SH3BP5L: variants seen among roughly 807,000 people sequenced by gnomAD.
SH3BP5L encodes the protein SH3 binding domain protein 5 like.
SH3BP5L carries 16 observed loss-of-function variants against 40.9 expected under a neutral mutation model. That is an observed-to-expected ratio of 0.39 (90% CI 0.27 to 0.59). The LOEUF (loss-of-function observed/expected upper bound fraction) is 0.59. SH3BP5L is among the 20% of genes least tolerant of loss of function. The pLI, the probability that SH3BP5L is intolerant of heterozygous loss-of-function variation, is 0.53. For missense variants in SH3BP5L, 471 were observed against 544.6 expected (o/e 0.86, Z 1.35); for synonymous variants, 229 against 226.7 (o/e 1.01, Z -0.09).
At chr1:248,822,837 T>A (rs1047899648) in intron 2 of SH3BP5L, among the ~76,000 whole-genome samples, 33 of 152,120 alleles carry the variant, frequency 2.2e-4, no homozygotes, top group African/African-American at 7.7e-4. Flanking sequence ...TAGCTTTTTT[T>A]ATTTTTAGTA....
chr1:248,813,027 A>G lies in SH3BP5L; in HGVS notation c.673T>C (p.Tyr225His). ...CTGAACTGGGCCTTGAGCTCAAAGTAGGGGCGGCTCTTGCCGATGGCCCTC... is the reference window on the plus strand; with the variant it reads ...CTGAACTGGGCCTTGAGCTCAAAGTGGGGGCGGCTCTTGCCGATGGCCCTC... ...LRRAIGKSRP[Y>H]FELKAQFSQI... Residue 225 changes from tyrosine (Y) to histidine (H), a missense_variant, in exon 6 of 7, where the codon TAC becomes CAC. By Grantham distance (83) the Tyr-to-His change is moderately conservative (BLOSUM62 2). This residue lies in a region of SH3BP5L where 275 missense variants were observed against 370.1 expected (regional missense o/e 0.74). Transcript: ENST00000366472. The G allele has an allele frequency of 6.2e-7, 1 of 1,605,504 alleles. No individual in the cohort carries two copies. Among genetic ancestry groups the G allele is most frequent in the Non-Finnish European group, 8.5e-7 (1 of 1,174,418 alleles).
chr1:248,813,253 G>C (rs905146046), intron 5 of SH3BP5L, 91 bp from the exon 6 acceptor site: 2 of 1,349,360 alleles, frequency 1.5e-6, no homozygotes, highest in South Asian at 1.6e-5. Context: ...GCCCTGGGGG[G>C]AACCCAAACA....
At chr1:248,820,810 G>T (rs12744158) in intron 2 of SH3BP5L, 8,555 of 152,300 alleles carry the variant, frequency 0.056, 327 homozygotes, top group Non-Finnish European at 0.084. Flanking sequence ...GTCCAAGACG[G>T]GATCCCCACT....
chr1:248,816,412 G>A, intron 4 of SH3BP5L, 122 bp downstream of exon 4: 3 of 1,323,848 alleles, frequency 2.3e-6, no homozygotes, highest in South Asian at 1.3e-5. Context: ...CGACCAGCCA[G>A]GTCTAGCCCA....
chr1:248,816,695 GT>G (rs1558228454), intron 3 of SH3BP5L, 33 bp from the exon 4 acceptor site: 6 of 1,613,774 alleles, frequency 3.7e-6, no homozygotes, highest in Non-Finnish European at 5.1e-6. Context: ...AAAGGCACAT[GT>G]TTGGGTCCCA....
chr1:248,822,987 A>C (rs1664290841), intron 2 of SH3BP5L, among the ~76,000 whole-genome samples: 1 of 152,184 alleles, frequency 6.6e-6, no homozygotes, highest in Non-Finnish European at 1.5e-5. Flanking sequence ...TTTACATGTT[A>C]ATTTTAATTG....
chr1:248,822,524 G>A (rs968553491), intron 2 of SH3BP5L, among the ~76,000 whole-genome samples: 1 of 152,156 alleles, frequency 6.6e-6, no homozygotes, highest in Non-Finnish European at 1.5e-5. Flanking sequence ...CTGCACCAGC[G>A]ACATCACAAG....
At chr1:248,814,418 G>T in intron 5 of SH3BP5L, 31 bp downstream of exon 5, 1 of 1,612,108 alleles carries the variant, frequency 6.2e-7, no homozygotes, top group Non-Finnish European at 8.5e-7. Context: ...GAGAACCAGC[G>T]AAGGGGACCT....
At position 248,811,658 on chromosome 1, in the gene SH3BP5L, A is replaced by G; in HGVS notation, c.*242T>C. The G allele has an allele frequency of 4.0e-6, 2 of 501,464 alleles. No individual in the cohort carries two copies. The highest frequency in any genetic ancestry group is 6.6e-5 in the South Asian group (2 of 30,160). The allele number at this position is 501,464 out of a possible 1,614,324, so 31.1% of individuals were successfully genotyped here. ...TGAGCTGGCAGGCAGAGGCAGACAGAGCGCCGAGGGCGAGCCTTCTGAATG... is the reference window on the plus strand; with the variant it reads ...TGAGCTGGCAGGCAGAGGCAGACAGGGCGCCGAGGGCGAGCCTTCTGAATG... On this transcript the variant is annotated 3_prime_UTR_variant, in exon 7 of 7. Transcript: ENST00000366472.
At chr1:248,818,579 G>C (rs562244951) in intron 2 of SH3BP5L, among the ~76,000 whole-genome samples, 1 of 152,354 alleles carries the variant, frequency 6.6e-6, no homozygotes, top group African/African-American at 2.4e-5. Flanking sequence ...GGGAGGGAGG[G>C]AGAGTCCTGG....
chr1:248,823,302 T>C (rs1664297144), intron 2 of SH3BP5L, among the ~76,000 whole-genome samples: 1 of 152,152 alleles, frequency 6.6e-6, no homozygotes, highest in Non-Finnish European at 1.5e-5. Context: ...AAAAAGAGTT[T>C]GAGAAAGAAC....
chr1:248,817,816 G>T (rs1664147593), intron 2 of SH3BP5L, among the ~76,000 whole-genome samples: 1 of 152,062 alleles, frequency 6.6e-6, no homozygotes, highest in Non-Finnish European at 1.5e-5. Context: ...TCACACTACT[G>T]CACTCCAGCC....
rs184909216 is a variant in SH3BP5L at position 248,814,373 on chromosome 1, G to A, written c.537+76C>T. 1.2e-4 allele frequency: 177 copies of A among 1,459,816 alleles called. No homozygotes were observed. In the African/African-American group the frequency reaches 2.2e-3, roughly 18 times the overall value. 90.4% of individuals were successfully genotyped at this position (1,459,816 alleles called of 1,614,324 possible). On this transcript the variant is annotated intron_variant, in intron 5 of 6. Coordinates refer to ENST00000366472, the MANE Select transcript of SH3BP5L (RefSeq NM_030645.3). ...AGGCTAGAATAGAGGGAAGAATGAG[G>A]AGGTGAGGTGATAAAGACATAGCAA...
intron 2 of SH3BP5L, among the ~76,000 whole-genome samples, chr1:248,817,548 T>C (rs896771853): frequency 2.6e-5 from 4 of 152,162 alleles, no homozygotes; most frequent in Non-Finnish European, 4.4e-5. Context: ...AAGGACTTCA[T>C]AGACACAAAA....
chr1:248,813,428 T>A (rs1664011958), intron 5 of SH3BP5L: 2 of 384,896 alleles, frequency 5.2e-6, no homozygotes, highest in Non-Finnish European at 9.2e-6. Context: ...GTCTTCCCCA[T>A]GTTCTTGCCT....
Position 248,811,992 on chromosome 1 carries a change from C to T in SH3BP5L, c.1090G>A (p.Asp364Asn), listed in dbSNP as rs1410429995. The change falls in exon 7 of 7, where the codon GAC becomes AAC. Residue 364 changes from aspartate (D) to asparagine (N), a missense_variant. Transcript: ENST00000366472. ...LRGLSDHVSL[D>N]GQELGTRSGG... The stretch of plus-strand genomic sequence containing the variant: ...CTCCGCGTTCCCAGCTCTTGGCCGT[C>T]CAGACTGACGTGGTCCGAGAGGCCT... 1 of 1,606,154 alleles carries T rather than the reference C, an allele frequency of 6.2e-7. No homozygotes were observed. Among genetic ancestry groups the T allele is most frequent in the African/African-American group, 1.3e-5 (1 of 74,890 alleles).
intron 2 of SH3BP5L, among the ~76,000 whole-genome samples, chr1:248,819,293 T>C (rs1664190561): frequency 6.6e-6 from 1 of 151,798 alleles, no homozygotes; most frequent in Non-Finnish European, 1.5e-5. Flanking sequence ...AATCTGGCTC[T>C]AAACTAGGGA....
chr1:248,815,623 G>A (rs1050617508), intron 4 of SH3BP5L, among the ~76,000 whole-genome samples: 1 of 152,044 alleles, frequency 6.6e-6, no homozygotes, highest in Non-Finnish European at 1.5e-5. Context: ...CCAAAGCCTG[G>A]ATCCCCAGCT....
In SH3BP5L at chr1:248,811,804, C is replaced by T; in HGVS notation, c.*96G>A. On this transcript the variant is annotated 3_prime_UTR_variant, in exon 7 of 7. Coordinates refer to ENST00000366472, the MANE Select transcript of SH3BP5L (RefSeq NM_030645.3). Reference sequence around the variant, plus strand: ...GGGAAGCACTGGAGAAGGGGACCTTCGGGAAGACGAGGCCCCAGAGGAGAG... The same window carrying T: ...GGGAAGCACTGGAGAAGGGGACCTTTGGGAAGACGAGGCCCCAGAGGAGAG... 1 of 941,762 alleles carries T rather than the reference C, an allele frequency of 1.1e-6. No individual in the cohort carries two copies. Among genetic ancestry groups the T allele is most frequent in the Non-Finnish European group, 1.5e-6 (1 of 648,830 alleles). 58.3% of individuals were successfully genotyped at this position (941,762 alleles called of 1,614,324 possible).
Sources: allele counts gnomAD v4.1 joint callset (sites outside exome capture counted in the v4.1 genomes callset), GRCh38; gene constraint gnomAD v4.1.1; regional missense constraint gnomAD v4.1.1; transcripts MANE v1.5; gene names NCBI Gene and HGNC (gene_info 2026-07-23, HGNC 2026-07-21).